TRAK2: variants seen among roughly 807,000 people sequenced by gnomAD.
The protein encoded by TRAK2 is trafficking kinesin-binding protein 2.
TRAK2 carries 81 observed loss-of-function variants against 104.6 expected under a neutral mutation model. The observed-to-expected ratio is 0.77, with a 90% CI of 0.65 to 0.93. The LOEUF is 0.93. Among genes scored for constraint, TRAK2 ranks in the 40% least tolerant of loss-of-function variants. TRAK2 has a pLI of 0.00. For synonymous variants in TRAK2, 406 were observed against 394.4 expected, an observed-to-expected ratio of 1.03 and a Z score of -0.35; for missense variants, 1,002 against 1,089.0, an observed-to-expected ratio of 0.92 and a Z score of 1.12.
intron 13 of TRAK2, among the ~76,000 whole-genome samples, chr2:201,386,898 G>A (rs1432273498): frequency 6.6e-6 from 1 of 152,186 alleles, no homozygotes; most frequent in Non-Finnish European, 1.5e-5. Context: ...AGGGAGAATA[G>A]GAAAATGAAG....
Position 201,381,238 on chromosome 2 carries a change from A to G in TRAK2, c.2070-20T>C. ...CCAGAGCTTAAAAAAAAAAAAAAAA[A>G]GTGGGAGACAGTGTTTAAGAATAAA... On this transcript the variant is annotated intron_variant, in intron 15 of 15. Transcript: ENST00000332624. 6.6e-7 allele frequency: 1 copy of G among 1,522,794 alleles called. No homozygotes were observed. Among genetic ancestry groups the G allele is most frequent in the Non-Finnish European group, 8.9e-7 (1 of 1,126,592 alleles). 94.3% of individuals were successfully genotyped at this position (1,522,794 alleles called of 1,614,324 possible). A position where few individuals can be genotyped will look rare whatever the true frequency, so the allele number is the denominator to read the frequency against.
At chr2:201,409,294 A>G (rs1168587253) in intron 2 of TRAK2, among the ~76,000 whole-genome samples, 1 of 149,210 alleles carries the variant, frequency 6.7e-6, no homozygotes, top group African/African-American at 2.5e-5. Flanking sequence ...TTTTTTTTTG[A>G]GAGAGAAGTT....
At chr2:201,412,222 TGCTTGG>T in intron 2 of TRAK2, 1 of 953,164 alleles carries the variant, frequency 1.0e-6, no homozygotes, top group South Asian at 1.3e-5. Flanking sequence ...TACAATGACA[TGCTTGG>T]GCAGTAGAAC....
chr2:201,447,452 G>A lies in TRAK2; in HGVS notation c.-200+3898C>T, dbSNP rs997359664. The stretch of plus-strand genomic sequence containing the variant: ...ATAAAAAACTACCACAGACTGGGTG[G>A]CTTCAACAACAGAAATTTATTTTTT... On this transcript the variant is annotated intron_variant, in intron 1 of 15. Transcript: ENST00000332624. This position sits in a 1 kb window ranked among gnomAD's most constrained non-coding sequence, Gnocchi z 4.1. Among the ~76,000 whole-genome samples the A allele has an allele frequency of 4.6e-5, 7 of 152,164 alleles. No homozygotes were observed. The highest frequency in any genetic ancestry group is 7.3e-5 in the Non-Finnish European group (5 of 68,034).
intron 2 of TRAK2, chr2:201,412,506 G>C (rs1196066374): frequency 8.7e-6 from 10 of 1,152,910 alleles, no homozygotes; most frequent in Non-Finnish European, 1.3e-5. Context: ...CTTGCTTATT[G>C]CCTTCAAATA....
At chr2:201,442,822 G>C (rs1951936329) in intron 1 of TRAK2, among the ~76,000 whole-genome samples, 1 of 152,228 alleles carries the variant, frequency 6.6e-6, no homozygotes, top group Non-Finnish European at 1.5e-5. Flanking sequence ...TTGTTGATCA[G>C]AGTGTAAATT....
In TRAK2 at chr2:201,384,148, T is replaced by G; in HGVS notation, c.2032A>C (p.Ile678Leu). The G allele has an allele frequency of 1.9e-6, 3 of 1,613,420 alleles. No homozygotes were observed. Among genetic ancestry groups the G allele is most frequent in the Non-Finnish European group, 2.5e-6 (3 of 1,179,628 alleles). ...NSTFTFTTCR[I>L]LHPSDITQVT... ...TGAGTGATGTCAGAGGGATGTAATA[T>G]TCTACAGGTGGTGAAAGTGAATGTT... The change falls in exon 15 of 16, where the codon ATA (isoleucine) becomes CTA (leucine). Residue 678 changes from isoleucine (I) to leucine (L), a missense_variant. Ile to Leu is a conservative substitution (Grantham distance 5). Coordinates refer to ENST00000332624, the MANE Select transcript of TRAK2 (RefSeq NM_015049.3).
At chr2:201,422,769 A>G (rs1424588393) in intron 1 of TRAK2, among the ~76,000 whole-genome samples, 1 of 152,140 alleles carries the variant, frequency 6.6e-6, no homozygotes, top group East Asian at 1.9e-4. Flanking sequence ...GACAAGCTGC[A>G]AGGTGTCGGT....
intron 1 of TRAK2, among the ~76,000 whole-genome samples, chr2:201,436,514 C>T (rs1951880798): frequency 6.6e-6 from 1 of 152,218 alleles, no homozygotes; most frequent in Admixed American, 6.5e-5. Context: ...ATCTGCTCTT[C>T]AGAATTTATC....
chr2:201,384,551 C>T (rs572502193), intron 14 of TRAK2, among the ~76,000 whole-genome samples: 3 of 152,084 alleles, frequency 2.0e-5, no homozygotes, highest in Non-Finnish European at 4.4e-5. Context: ...GTGTGGTCTG[C>T]AGACTCTGTG....
At chr2:201,441,913 C>A (rs1576540076) in intron 1 of TRAK2, among the ~76,000 whole-genome samples, 1 of 151,066 alleles carries the variant, frequency 6.6e-6, no homozygotes, top group African/African-American at 2.4e-5. Context: ...AGGCTGGTCT[C>A]GAACTCCTGA....
At chr2:201,418,389 T>G (rs1373479471) in intron 2 of TRAK2, among the ~76,000 whole-genome samples, 1 of 152,216 alleles carries the variant, frequency 6.6e-6, no homozygotes, top group Non-Finnish European at 1.5e-5. Flanking sequence ...TTGCGCAGGC[T>G]GGTCTTGAAC....
chr2:201,448,639 T>C (rs1028069223), intron 1 of TRAK2, among the ~76,000 whole-genome samples: 1 of 152,222 alleles, frequency 6.6e-6, no homozygotes, highest in African/African-American at 2.4e-5. Flanking sequence ...ACAATAAACA[T>C]GAAATAAGAC....
intron 14 of TRAK2, among the ~76,000 whole-genome samples, chr2:201,385,633 C>T (rs1951381815): frequency 6.6e-6 from 1 of 152,218 alleles, no homozygotes; most frequent in South Asian, 2.1e-4. Context: ...TTAAAACACT[C>T]TTTCCAACTG....
chr2:201,398,902 A>G (rs1001810581), intron 5 of TRAK2, among the ~76,000 whole-genome samples: 3 of 152,172 alleles, frequency 2.0e-5, no homozygotes, highest in Non-Finnish European at 4.4e-5. Flanking sequence ...AACAAGTTAC[A>G]GAAAATTTGA....
intron 1 of TRAK2, among the ~76,000 whole-genome samples, chr2:201,434,381 GA>G (rs1951866724): frequency 6.6e-6 from 1 of 152,068 alleles, no homozygotes; most frequent in African/African-American, 2.4e-5. Context: ...ACAAAAATGG[GA>G]TTTGTAATAC....
intron 9 of TRAK2, among the ~76,000 whole-genome samples, chr2:201,393,286 G>A (rs1951465295): frequency 6.6e-6 from 1 of 152,120 alleles, no homozygotes; most frequent in Non-Finnish European, 1.5e-5. Context: ...CTTCCTGAAA[G>A]TCTGAAACGT....
intron 3 of TRAK2, among the ~76,000 whole-genome samples, chr2:201,406,678 T>C (rs139757272): frequency 1.6e-4 from 24 of 152,366 alleles, no homozygotes; most frequent in African/African-American, 5.8e-4. Context: ...CTCATAAGCT[T>C]TTATTATAAA....
chr2:201,412,841 A>G (rs1951660133), intron 2 of TRAK2: 1 of 858,466 alleles, frequency 1.2e-6, no homozygotes, highest in Non-Finnish European at 2.0e-6. Flanking sequence ...ACCTGAAGCA[A>G]ACCACATTTG....
Sources: gnomAD v4.1 joint callset for allele counts (sites outside exome capture counted in the v4.1 genomes callset) on GRCh38, gnomAD v4.1.1 for gene constraint, Gnocchi (gnomAD v3.1) non-coding constraint, MANE v1.5 for transcripts, NCBI Gene and HGNC (gene_info 2026-07-23, HGNC 2026-07-21) for gene names.